MGARP: variants seen among roughly 807,000 people sequenced by gnomAD.
The protein encoded by MGARP is mitochondria localized glutamic acid rich protein.
In MGARP, 12 loss-of-function variants were observed where a neutral mutation model predicts 11.0. The observed-to-expected ratio is 1.09, with a 90% CI of 0.70 to 1.77. The LOEUF (loss-of-function observed/expected upper bound fraction) is 1.77, where lower values mean the gene tolerates loss of function less well. Among genes scored for constraint, MGARP ranks in the 40% most tolerant of loss-of-function variants. The pLI, the probability that MGARP is intolerant of heterozygous loss-of-function variation, is 0.00. For synonymous variants in MGARP, 110 were observed against 115.4 expected, an observed-to-expected ratio of 0.95 and a Z score of 0.30; for missense variants, 283 against 297.8, an observed-to-expected ratio of 0.95 and a Z score of 0.36.
chr4:139,271,618 A>T (rs1483916114), intron 2 of MGARP, among the ~76,000 whole-genome samples: 8 of 152,200 alleles, frequency 5.3e-5, no homozygotes, highest in African/African-American at 1.7e-4. Context: ...GCTTTTGGCT[A>T]CTAAGCATCT....
At chr4:139,270,813 T>C (rs1744769407) in intron 2 of MGARP, among the ~76,000 whole-genome samples, 1 of 152,136 alleles carries the variant, frequency 6.6e-6, no homozygotes, top group Non-Finnish European at 1.5e-5. Context: ...GAGTAGGGTG[T>C]GTGTTCCTGA....
chr4:139,276,114 T>C (rs987552656), intron 1 of MGARP, among the ~76,000 whole-genome samples: 1 of 152,220 alleles, frequency 6.6e-6, no homozygotes, highest in African/African-American at 2.4e-5. Flanking sequence ...TACAATAAAC[T>C]TAAAGTCGGA....
At chr4:139,276,664 TG>T (rs1744879452) in intron 1 of MGARP, among the ~76,000 whole-genome samples, 1 of 152,026 alleles carries the variant, frequency 6.6e-6, no homozygotes, top group Non-Finnish European at 1.5e-5. Context: ...CTGGGCAATG[TG>T]GTGAACCCCA....
At chr4:139,279,848 C>T (rs1251322139) in intron 1 of MGARP, among the ~76,000 whole-genome samples, 1 of 152,194 alleles carries the variant, frequency 6.6e-6, no homozygotes, top group East Asian at 1.9e-4. Flanking sequence ...GATGCGAACC[C>T]AGATAATCTG....
intron 1 of MGARP, among the ~76,000 whole-genome samples, chr4:139,278,295 A>G (rs17050731): frequency 0.017 from 2,663 of 152,252 alleles, 36 homozygotes; most frequent in African/African-American, 0.037. Context: ...ACAGTTAAAA[A>G]TTTTTCCTTC....
chr4:139,277,755 G>A (rs1744894019), intron 1 of MGARP, among the ~76,000 whole-genome samples: 1 of 151,920 alleles, frequency 6.6e-6, no homozygotes, highest in Non-Finnish European at 1.5e-5. Flanking sequence ...CAAGATTTGT[G>A]GAAATAATGT....
At position 139,270,691 on chromosome 4, in the gene MGARP, C is replaced by T. The variant is rs533832278; in HGVS notation, c.187-1926G>A. Among the ~76,000 whole-genome samples, 11 of 151,874 alleles carry T rather than the reference C, an allele frequency of 7.2e-5. No individual in the cohort carries two copies. In the East Asian group the frequency reaches 7.7e-4, roughly 11 times the overall value. ...AGTGACCCTTTTATAGCAAACTTCC[C>T]GGGGTTTAGTGAACTCAGACTTGAA... On this transcript the variant is annotated intron_variant, in intron 2 of 3. Transcript: ENST00000398955.
chr4:139,276,968 A>G (rs1040343036), intron 1 of MGARP, among the ~76,000 whole-genome samples: 8 of 152,260 alleles, frequency 5.3e-5, no homozygotes, highest in Non-Finnish European at 1.2e-4. Context: ...TAAACAAAAA[A>G]TTCATTTATG....
intron 3 of MGARP, among the ~76,000 whole-genome samples, chr4:139,267,710 C>A (rs1045055395): frequency 6.6e-6 from 1 of 152,166 alleles, no homozygotes; most frequent in Non-Finnish European, 1.5e-5. Context: ...TATTCTGTTT[C>A]TTATTATTGT....
In MGARP at chr4:139,266,371, T is replaced by C. The variant is rs1242978381; in HGVS notation, c.*228A>G. The C allele has an allele frequency of 2.2e-6, 1 of 464,024 alleles. No individual in the cohort carries two copies. The highest frequency in any genetic ancestry group is 3.8e-6 in the Non-Finnish European group (1 of 264,244). The allele number at this position is 464,024 out of a possible 1,614,324, so 28.7% of individuals were successfully genotyped here. A position where few individuals can be genotyped will look rare whatever the true frequency, so the allele number is the denominator to read the frequency against. On this transcript the variant is annotated 3_prime_UTR_variant, in exon 4 of 4. Coordinates refer to ENST00000398955, the MANE Select transcript of MGARP (RefSeq NM_032623.4). The stretch of plus-strand genomic sequence containing the variant: ...CAAAGATGAAACTATTTAAGCTCTT[T>C]ACTGCAATGTCATATTCTGATCTCA...
intron 1 of MGARP, among the ~76,000 whole-genome samples, chr4:139,276,236 T>G (rs1452998481): frequency 6.6e-6 from 1 of 152,218 alleles, no homozygotes; most frequent in Non-Finnish European, 1.5e-5. Context: ...TATTTGGAAT[T>G]GTTAGAAGCA....
intron 2 of MGARP, among the ~76,000 whole-genome samples, chr4:139,269,555 C>A (rs555465938): frequency 1.3e-5 from 2 of 148,456 alleles, no homozygotes; most frequent in East Asian, 3.9e-4. Flanking sequence ...TGCTTGAACC[C>A]AGGAGGTGGA....
intron 2 of MGARP, among the ~76,000 whole-genome samples, chr4:139,274,279 C>A (rs184394910): frequency 3.3e-4 from 50 of 151,976 alleles, no homozygotes; most frequent in African/African-American, 1.2e-3. Context: ...CTAATGTAAA[C>A]CCTGGACTTT....
chr4:139,271,669 A>T (rs1163012771), intron 2 of MGARP, among the ~76,000 whole-genome samples: 1 of 152,240 alleles, frequency 6.6e-6, no homozygotes, highest in Non-Finnish European at 1.5e-5. Flanking sequence ...AGATTATTTT[A>T]GTACAGGACA....
At chr4:139,277,034 T>G (rs1210740639) in intron 1 of MGARP, among the ~76,000 whole-genome samples, 1 of 152,226 alleles carries the variant, frequency 6.6e-6, no homozygotes, top group African/African-American at 2.4e-5. Flanking sequence ...ATATTTTGAA[T>G]AATTTTGTGC....
At chr4:139,267,334 G>T (rs1459008032) in intron 3 of MGARP, among the ~76,000 whole-genome samples, 2 of 152,128 alleles carry the variant, frequency 1.3e-5, no homozygotes, top group East Asian at 3.8e-4. Context: ...TTGCCTCTTG[G>T]AGGGAAAATG....
At chr4:139,267,110 C>T in intron 3 of MGARP, 69 bp from the exon 4 acceptor site, 3 of 1,461,862 alleles carry the variant, frequency 2.1e-6, no homozygotes, top group Non-Finnish European at 2.8e-6. Flanking sequence ...ACACTGCGGT[C>T]GTTTAAACAC....
chr4:139,276,290 C>T (rs1560932986), intron 1 of MGARP, among the ~76,000 whole-genome samples: 1 of 152,160 alleles, frequency 6.6e-6, no homozygotes, highest in Non-Finnish European at 1.5e-5. Context: ...TCCCTAGTCT[C>T]AAGCCATTCA....
intron 1 of MGARP, among the ~76,000 whole-genome samples, chr4:139,277,393 G>A (rs115291076): frequency 0.012 from 1,776 of 152,214 alleles, 12 homozygotes; most frequent in East Asian, 0.029. Context: ...AGAGGTTATC[G>A]CTTTGACTTG....
Sources: gnomAD v4.1 joint callset for allele counts (sites outside exome capture counted in the v4.1 genomes callset) on GRCh38, gnomAD v4.1.1 for gene constraint, MANE v1.5 for transcripts, NCBI Gene and HGNC (gene_info 2026-07-23, HGNC 2026-07-21) for gene names.